Variants in CACNA2D2 observed in about 807,000 individuals in gnomAD.
The protein encoded by CACNA2D2 is voltage-dependent calcium channel subunit alpha-2/delta-2.
In CACNA2D2, 48 loss-of-function variants were observed where a neutral mutation model predicts 166.4. The ratio of observed to expected loss-of-function variants is 0.29; its 90% CI spans 0.23 to 0.37. CACNA2D2 has a LOEUF of 0.37. Ranked by LOEUF, CACNA2D2 falls within the 10% of genes least tolerant of loss-of-function variation. The probability of loss-of-function intolerance (pLI) is 1.00; values close to 1 mark genes in which losing one functional copy is unlikely to be tolerated. For missense variants in CACNA2D2, 1,122 were observed against 1,433.0 expected (o/e 0.78, Z 3.50); for synonymous variants, 561 against 573.7 (o/e 0.98, Z 0.32).
chr3:50,374,813 G>C lies in CACNA2D2; in HGVS notation c.1908C>G (p.Ser636Arg), dbSNP rs1235205217. 1.3e-6 allele frequency: 2 copies of C among 1,587,466 alleles called. No homozygotes were observed. The highest frequency in any genetic ancestry group is 8.6e-7 in the Non-Finnish European group (1 of 1,167,698). ...TWVPIRSTNY[S>R]LGLVLPPYST... Reference sequence around the variant, plus strand: ...TGTAGGGTGGGAGCACCAGCCCCAGGCTGAGGGGGGAGAAGCTCGGGTCAC... The same window carrying C: ...TGTAGGGTGGGAGCACCAGCCCCAGCCTGAGGGGGGAGAAGCTCGGGTCAC... Residue 636 changes from serine (S) to arginine (R), a missense_variant and splice_region_variant, in exon 22 of 38, where the codon AGC (serine) becomes AGG (arginine). Coordinates refer to ENST00000424201, the MANE Select transcript of CACNA2D2 (RefSeq NM_006030.4).
In CACNA2D2 at chr3:50,366,680, T is replaced by C; in HGVS notation, c.2590-55A>G. 2 of 1,604,856 alleles carry C rather than the reference T, an allele frequency of 1.2e-6. No individual in the cohort carries two copies. Among genetic ancestry groups the C allele is most frequent in the Non-Finnish European group, 1.7e-6 (2 of 1,172,236 alleles). On this transcript the variant is annotated intron_variant, in intron 29 of 37. Coordinates refer to ENST00000424201, the MANE Select transcript of CACNA2D2 (RefSeq NM_006030.4). This position sits in a 1 kb window ranked among gnomAD's most constrained non-coding sequence, Gnocchi z 5.9. Reference sequence around the variant, plus strand: ...CACCCACCAGTTTTCCTCCCTCCCATCACCTTTCATACATCCGGTTCCCCA... The same window carrying C: ...CACCCACCAGTTTTCCTCCCTCCCACCACCTTTCATACATCCGGTTCCCCA...
intron 3 of CACNA2D2, among the ~76,000 whole-genome samples, chr3:50,413,914 C>T (rs1020257319): frequency 2.0e-5 from 3 of 151,942 alleles, no homozygotes; most frequent in Non-Finnish European, 4.4e-5. Flanking sequence ...TTGCCAGGGC[C>T]CCATTTCCCC....
rs959303390 is a variant in CACNA2D2 at position 50,427,729 on chromosome 3, C to T, written c.405+6584G>A. On this transcript the variant is annotated intron_variant, in intron 3 of 37. Transcript: ENST00000424201. The surrounding 1 kb of genome is among the most constrained non-coding windows in gnomAD (Gnocchi z 4.7). Reference sequence around the variant, plus strand: ...GTGGAGTCAGATCCCAGAGGCTGAGCCCCAGCCACAACCCAGAGCCACAGC... The same window carrying T: ...GTGGAGTCAGATCCCAGAGGCTGAGTCCCAGCCACAACCCAGAGCCACAGC... 3.3e-5 allele frequency among the ~76,000 whole-genome samples: 5 copies of T among 152,236 alleles called. No homozygotes were observed. Among genetic ancestry groups the T allele is most frequent in the African/African-American group, 1.2e-4 (5 of 41,456 alleles).
intron 3 of CACNA2D2, among the ~76,000 whole-genome samples, chr3:50,408,139 C>T (rs1030378558): frequency 1.3e-5 from 2 of 152,216 alleles, no homozygotes; most frequent in East Asian, 3.8e-4. Flanking sequence ...GTGACTCACC[C>T]ACCCAAGACC....
chr3:50,396,628 C>T (rs115236843), intron 3 of CACNA2D2, among the ~76,000 whole-genome samples: 3 of 152,230 alleles, frequency 2.0e-5, no homozygotes, highest in Non-Finnish European at 2.9e-5. Context: ...TTGTACGGTT[C>T]GCAATGCTTG....
Position 50,461,777 on chromosome 3 carries a change from AAAGG to A in CACNA2D2, c.288+14337_288+14340del, listed in dbSNP as rs199830523. 6.0e-5 allele frequency among the ~76,000 whole-genome samples: 9 copies of A among 150,262 alleles called. No individual in the cohort carries two copies. The South Asian group carries it at 8.4e-4, about 14-fold the overall frequency. ...AAAAAAAAAAAAGAAAAAAAGAAAG[AAAGG>A]AAGGAAGGAAGGAAAGAAAAAATGT... On this transcript the variant is annotated intron_variant, in intron 2 of 37. Coordinates refer to ENST00000424201, the MANE Select transcript of CACNA2D2 (RefSeq NM_006030.4).
At chr3:50,482,487 T>C (rs1047057853) in intron 1 of CACNA2D2, among the ~76,000 whole-genome samples, 5 of 152,198 alleles carry the variant, frequency 3.3e-5, no homozygotes, top group Admixed American at 2.6e-4. Context: ...GGAGATAAAG[T>C]TCACCATTCC....
intron 5 of CACNA2D2, 90 bp downstream of exon 5, chr3:50,387,478 A>G (rs916104393): frequency 9.1e-7 from 1 of 1,096,756 alleles, no homozygotes; most frequent in Non-Finnish European, 1.4e-6. Context: ...GGTTGAGCTC[A>G]GAATGTGTGG....
chr3:50,367,797 C>T lies in CACNA2D2; in HGVS notation c.2234+15G>A. On this transcript the variant is annotated intron_variant, in intron 25 of 37. Transcript: ENST00000424201. The surrounding 1 kb of genome is among the most constrained non-coding windows in gnomAD (Gnocchi z 6.5). ...CATCCTAGCCTTCTGCCCCCACAGG[C>T]TGGGTGATGCCTACGTGTTGAGATC... 1 of 1,613,204 alleles carries T rather than the reference C, an allele frequency of 6.2e-7. No individual in the cohort carries two copies. Among genetic ancestry groups the T allele is most frequent in the Non-Finnish European group, 8.5e-7 (1 of 1,179,586 alleles).
chr3:50,378,429 C>A, intron 13 of CACNA2D2, 96 bp from the exon 14 acceptor site: 1 of 1,248,182 alleles, frequency 8.0e-7, no homozygotes, highest in Non-Finnish European at 1.1e-6. Flanking sequence ...AGCCCTGCCT[C>A]GCCTCTTGGG....
intron 3 of CACNA2D2, among the ~76,000 whole-genome samples, chr3:50,404,326 A>G (rs1227971634): frequency 6.6e-6 from 1 of 151,912 alleles, no homozygotes; most frequent in Non-Finnish European, 1.5e-5. Context: ...CAGGACCACA[A>G]CTCCACTCTG....
At chr3:50,487,351 A>G (rs1298710576) in intron 1 of CACNA2D2, among the ~76,000 whole-genome samples, 1 of 152,320 alleles carries the variant, frequency 6.6e-6, no homozygotes, top group East Asian at 1.9e-4. Flanking sequence ...CTTATACCCT[A>G]TCAGGGCTAT....
At chr3:50,411,842 G>T (rs999448042) in intron 3 of CACNA2D2, among the ~76,000 whole-genome samples, 3 of 152,186 alleles carry the variant, frequency 2.0e-5, no homozygotes, top group African/African-American at 7.2e-5. Context: ...AAGAACGAAT[G>T]GGGCTCTGAG....
intron 3 of CACNA2D2, among the ~76,000 whole-genome samples, chr3:50,399,608 G>T (rs997114509): frequency 6.6e-6 from 1 of 152,156 alleles, no homozygotes; most frequent in African/African-American, 2.4e-5. Flanking sequence ...TGCCTCCCCA[G>T]CAAGACTCAC....
chr3:50,392,565 G>A (rs952174544), intron 4 of CACNA2D2, among the ~76,000 whole-genome samples: 5 of 152,236 alleles, frequency 3.3e-5, no homozygotes, highest in African/African-American at 9.6e-5. Context: ...TCAAGCCAGG[G>A]GGAGGGGAGC....
At chr3:50,496,588 C>T (rs1698734408) in intron 1 of CACNA2D2, among the ~76,000 whole-genome samples, 1 of 152,218 alleles carries the variant, frequency 6.6e-6, no homozygotes, top group Non-Finnish European at 1.5e-5. Flanking sequence ...GGAGTGCAGG[C>T]CCAGCTAGAC....
chr3:50,489,970 C>T lies in CACNA2D2; in HGVS notation c.206+13248G>A, dbSNP rs1698456107. 4.6e-5 allele frequency among the ~76,000 whole-genome samples: 7 copies of T among 152,190 alleles called. No individual in the cohort carries two copies. The South Asian group carries it at 1.4e-3, about 31-fold the overall frequency. ...GTCCCAAGAGCAGGGACCCAGTTGG[C>T]CCTTGGAGACCCCAGAGCCCACTCA... On this transcript the variant is annotated intron_variant, in intron 1 of 37. Coordinates refer to ENST00000424201, the MANE Select transcript of CACNA2D2 (RefSeq NM_006030.4).
intron 2 of CACNA2D2, among the ~76,000 whole-genome samples, chr3:50,465,966 G>C (rs192902544): frequency 2.0e-5 from 3 of 152,150 alleles, no homozygotes; most frequent in Non-Finnish European, 4.4e-5. Context: ...CCACTCCCCA[G>C]GAGGCCCGGG....
chr3:50,372,894 A>G (rs1480865647), intron 22 of CACNA2D2, among the ~76,000 whole-genome samples: 1 of 151,066 alleles, frequency 6.6e-6, no homozygotes, highest in East Asian at 2.0e-4. Flanking sequence ...TGGCTCTCAT[A>G]GGGGCTTAGG....
Sources: allele counts gnomAD v4.1 joint callset (sites outside exome capture counted in the v4.1 genomes callset), GRCh38; gene constraint gnomAD v4.1.1; non-coding constraint Gnocchi (gnomAD v3.1); transcripts MANE v1.5; gene names NCBI Gene and HGNC (gene_info 2026-07-23, HGNC 2026-07-21).